KIF6: variants seen among roughly 807,000 people sequenced by gnomAD.
KIF6 encodes kinesin-like protein KIF6.
In KIF6, 106 loss-of-function variants were observed where a neutral mutation model predicts 112.7. The ratio of observed to expected loss-of-function variants is 0.94; its 90% CI spans 0.80 to 1.11. The LOEUF is 1.11. KIF6 is among the 50% of genes least tolerant of loss of function. The pLI, the probability that KIF6 is intolerant of heterozygous loss-of-function variation, is 0.00. For synonymous variants in KIF6, 339 were observed against 339.9 expected, an observed-to-expected ratio of 1.00 and a Z score of 0.03; for missense variants, 929 against 964.0, an observed-to-expected ratio of 0.96 and a Z score of 0.48.
intron 15 of KIF6, among the ~76,000 whole-genome samples, chr6:39,396,763 G>T (rs1581760559): frequency 6.6e-6 from 1 of 152,286 alleles, no homozygotes; most frequent in Non-Finnish European, 1.5e-5. Flanking sequence ...CACATTGTAG[G>T]TGCACAATGA....
At chr6:39,566,575 T>C (rs1273654127) in intron 10 of KIF6, among the ~76,000 whole-genome samples, 1 of 152,200 alleles carries the variant, frequency 6.6e-6, no homozygotes, top group Non-Finnish European at 1.5e-5. Flanking sequence ...CAGTCTTATA[T>C]CAACTGTCTA....
intron 19 of KIF6, among the ~76,000 whole-genome samples, chr6:39,349,030 G>T (rs1403424171): frequency 6.6e-6 from 1 of 152,220 alleles, no homozygotes; most frequent in African/African-American, 2.4e-5. Context: ...GCCCGAGGGT[G>T]TGCTGTCGGA....
chr6:39,561,159 A>G (rs762964227), intron 10 of KIF6, among the ~76,000 whole-genome samples: 2 of 152,260 alleles, frequency 1.3e-5, no homozygotes, highest in Admixed American at 6.5e-5. Flanking sequence ...GAACCAGACC[A>G]TGAAAGAAAA....
chr6:39,549,863 T>C (rs1779273833), intron 10 of KIF6, among the ~76,000 whole-genome samples: 2 of 152,250 alleles, frequency 1.3e-5, no homozygotes, highest in Middle Eastern at 6.8e-3. Context: ...ACTCATACTA[T>C]ATATGGATAG....
intron 13 of KIF6, among the ~76,000 whole-genome samples, chr6:39,519,234 A>G (rs1033814015): frequency 1.1e-4 from 17 of 152,168 alleles, no homozygotes; most frequent in Non-Finnish European, 2.4e-4. Context: ...AAAACTTCCA[A>G]TGGAATAGGC....
intron 3 of KIF6, among the ~76,000 whole-genome samples, chr6:39,712,630 C>T (rs1354585362): frequency 4.6e-5 from 7 of 152,004 alleles, no homozygotes; most frequent in East Asian, 1.9e-4. Context: ...TTTGGGAGGC[C>T]GAGGTGGGTG....
chr6:39,350,649 C>CT (rs1211157426), intron 19 of KIF6, among the ~76,000 whole-genome samples: 1 of 152,204 alleles, frequency 6.6e-6, no homozygotes, highest in Non-Finnish European at 1.5e-5. Flanking sequence ...CAGGGAATGT[C>CT]TGAGACGCCA....
intron 3 of KIF6, among the ~76,000 whole-genome samples, chr6:39,668,966 C>T (rs1277684923): frequency 1.3e-5 from 2 of 151,906 alleles, no homozygotes; most frequent in African/African-American, 2.4e-5. Context: ...TTGACTAGTC[C>T]ATAAAATCCT....
In KIF6 at chr6:39,373,916, G is replaced by A. The variant is rs552616264; in HGVS notation, c.1862-11398C>T. On this transcript the variant is annotated intron_variant, in intron 16 of 22. Coordinates refer to ENST00000287152, the MANE Select transcript of KIF6 (RefSeq NM_145027.6). ...CTGGAACCACAAAAGACCTTCAATA[G>A]TCAAAGTAATCTTGAGCAAAAGGAA... Among the ~76,000 whole-genome samples the A allele has an allele frequency of 2.6e-5, 4 of 152,200 alleles. No homozygotes were observed. In the East Asian group the frequency reaches 7.7e-4, roughly 29 times the overall value.
At chr6:39,521,093 T>C (rs1777372878) in intron 13 of KIF6, among the ~76,000 whole-genome samples, 1 of 152,178 alleles carries the variant, frequency 6.6e-6, no homozygotes, top group African/African-American at 2.4e-5. Context: ...AAAAATGAAG[T>C]GCTGATTGGA....
intron 15 of KIF6, among the ~76,000 whole-genome samples, chr6:39,400,151 G>A (rs996088858): frequency 6.6e-6 from 1 of 152,154 alleles, no homozygotes; most frequent in Admixed American, 6.5e-5. Context: ...AGAAGGAGAC[G>A]CACCCTGTTT....
chr6:39,647,515 C>T (rs1404051800), intron 3 of KIF6, among the ~76,000 whole-genome samples: 1 of 151,820 alleles, frequency 6.6e-6, no homozygotes, highest in Non-Finnish European at 1.5e-5. Context: ...ATGACTCAAG[C>T]CGAGCAAAAA....
chr6:39,604,750 C>G (rs140226475), intron 6 of KIF6, among the ~76,000 whole-genome samples: 2 of 152,058 alleles, frequency 1.3e-5, no homozygotes, highest in African/African-American at 4.8e-5. Context: ...TATGATTCAC[C>G]TTTATGATAA....
intron 3 of KIF6, among the ~76,000 whole-genome samples, chr6:39,702,007 A>G (rs1046292703): frequency 2.6e-5 from 4 of 152,212 alleles, no homozygotes; most frequent in Non-Finnish European, 5.9e-5. Flanking sequence ...TTCTGATATA[A>G]TGAATAAAAA....
chr6:39,449,202 C>A (rs1425818604), intron 13 of KIF6, among the ~76,000 whole-genome samples: 7 of 152,172 alleles, frequency 4.6e-5, no homozygotes, highest in Non-Finnish European at 1.0e-4. Context: ...CCCAAATGAT[C>A]TTTTAAGAAT....
intron 10 of KIF6, among the ~76,000 whole-genome samples, chr6:39,569,394 T>C (rs9471129): frequency 0.25 from 38,120 of 152,118 alleles, 5,883 homozygotes; most frequent in African/African-American, 0.41. Context: ...ATTGGGATGG[T>C]ATATATCAAA....
intron 19 of KIF6, among the ~76,000 whole-genome samples, chr6:39,349,881 G>C (rs1447698410): frequency 2.0e-5 from 3 of 151,984 alleles, no homozygotes; most frequent in Non-Finnish European, 4.4e-5. Flanking sequence ...TCCTGACCTC[G>C]TGATCCACCC....
chr6:39,562,121 T>G (rs959611921), intron 10 of KIF6, among the ~76,000 whole-genome samples: 1 of 152,196 alleles, frequency 6.6e-6, no homozygotes, highest in Non-Finnish European at 1.5e-5. Flanking sequence ...AGTGGCCCCA[T>G]GATTACTTGA....
chr6:39,689,737 T>C (rs1788078163), intron 3 of KIF6, among the ~76,000 whole-genome samples: 1 of 152,044 alleles, frequency 6.6e-6, no homozygotes, highest in Non-Finnish European at 1.5e-5. Context: ...CCCAAGTAAC[T>C]GGACCCACAG....
Sources: allele counts gnomAD v4.1 joint callset (sites outside exome capture counted in the v4.1 genomes callset), GRCh38; gene constraint gnomAD v4.1.1; transcripts MANE v1.5; gene names NCBI Gene and HGNC (gene_info 2026-07-23, HGNC 2026-07-21).